The following UNC79 variants were observed in gnomAD, a reference collection of about 807,000 sequenced individuals.
The protein encoded by UNC79 is unc-79 subunit of NALCN channel complex, also known as protein unc-79 homolog.
UNC79 carries 37 observed loss-of-function variants against 283.1 expected under a neutral mutation model. The observed-to-expected ratio is 0.13, with a 90% CI of 0.10 to 0.17. The LOEUF is 0.17. Among genes scored for constraint, UNC79 ranks in the 10% least tolerant of loss-of-function variants. UNC79 has a pLI of 1.00. For missense variants in UNC79, 2,272 were observed against 3,211.1 expected, an observed-to-expected ratio of 0.71 and a Z score of 7.07; for synonymous variants, 1,107 against 1,200.2, an observed-to-expected ratio of 0.92 and a Z score of 1.61.
rs528931114 is a variant in UNC79, at chr14:93,476,411, T to C, written c.449-1147T>C. On this transcript the variant is annotated intron_variant, in intron 3 of 48. Transcript: ENST00000555664. ...GCTCAGCAAAAGGAGCTGAGGTGTC[T>C]TGTATGCACAGCTTCGGTTAATTCT... 2.3e-4 allele frequency among the ~76,000 whole-genome samples: 35 copies of C among 152,330 alleles called. No individual in the cohort carries two copies. In the South Asian group the frequency reaches 6.8e-3, roughly 30 times the overall value.
chr14:93,399,069 G>T (rs2055052878), intron 1 of UNC79, among the ~76,000 whole-genome samples: 1 of 152,162 alleles, frequency 6.6e-6, no homozygotes, highest in Admixed American at 6.5e-5. Context: ...TCTTCACAAG[G>T]TGGCAGGAGG....
At chr14:93,421,037 C>G (rs1418415072) in intron 1 of UNC79, among the ~76,000 whole-genome samples, 1 of 151,442 alleles carries the variant, frequency 6.6e-6, no homozygotes, top group Non-Finnish European at 1.5e-5. Context: ...AATAATACAT[C>G]ATAAAGAACC....
chr14:93,671,776 AC>A (rs1305185884), intron 40 of UNC79, among the ~76,000 whole-genome samples: 3 of 152,182 alleles, frequency 2.0e-5, no homozygotes, highest in Non-Finnish European at 4.4e-5. Flanking sequence ...CTGTCTAAAA[AC>A]AAACAAGCAA....
intron 1 of UNC79, among the ~76,000 whole-genome samples, chr14:93,382,869 C>G (rs1329766051): frequency 1.3e-5 from 2 of 152,144 alleles, no homozygotes; most frequent in Non-Finnish European, 2.9e-5. Flanking sequence ...AAATACTTTA[C>G]ACTCCATGAG....
At chr14:93,361,675 G>A (rs981701006) in intron 1 of UNC79, among the ~76,000 whole-genome samples, 2 of 152,018 alleles carry the variant, frequency 1.3e-5, no homozygotes, top group African/African-American at 4.8e-5. Flanking sequence ...CTTTTTGGAT[G>A]CCTTTTATTT....
At chr14:93,635,023 T>C (rs1027777769) in intron 31 of UNC79, among the ~76,000 whole-genome samples, 1 of 152,220 alleles carries the variant, frequency 6.6e-6, no homozygotes, top group Non-Finnish European at 1.5e-5. Flanking sequence ...ATAGTAATAC[T>C]AATAGTGATA....
rs1285172507 is a variant in UNC79 at position 93,347,209 on chromosome 14, G to T, written c.-351+13686G>T. ...CTGCCTCACGAGCACTGGAGCTTGC[G>T]TTACTTGGCCTCACCTCACCTGTGC... On this transcript the variant is annotated intron_variant, in intron 1 of 49. Transcript: ENST00000256339. 1.1e-5 allele frequency: 17 copies of T among 1,513,512 alleles called. No homozygotes were observed. The East Asian group carries it at 3.4e-4, about 30-fold the overall frequency. 93.8% of individuals were successfully genotyped at this position (1,513,512 alleles called of 1,614,324 possible).
At chr14:93,361,738 G>A (rs1376867664) in intron 1 of UNC79, among the ~76,000 whole-genome samples, 1 of 152,112 alleles carries the variant, frequency 6.6e-6, no homozygotes, top group East Asian at 1.9e-4. Context: ...TGTTGAATAG[G>A]AGTGGTGGGA....
At chr14:93,703,968 C>T (rs2075703179) in intron 47 of UNC79, among the ~76,000 whole-genome samples, 1 of 152,198 alleles carries the variant, frequency 6.6e-6, no homozygotes, top group Non-Finnish European at 1.5e-5. Context: ...GAAGGAGCAG[C>T]TTCTGGAGGT....
At chr14:93,350,062 TTATAA>T (rs1243299612) in intron 1 of UNC79, among the ~76,000 whole-genome samples, 6 of 152,144 alleles carry the variant, frequency 3.9e-5, no homozygotes, top group African/African-American at 1.4e-4. Context: ...TAAGAAAGGG[TTATAA>T]TATGGGAAAA....
chr14:93,656,913 T>C (rs182396630), intron 38 of UNC79, among the ~76,000 whole-genome samples: 36 of 152,306 alleles, frequency 2.4e-4, no homozygotes, highest in African/African-American at 8.7e-4. Context: ...TACCTATTAG[T>C]AGCTCCACTT....
At chr14:93,515,891 T>C (rs1484189295) in intron 7 of UNC79, among the ~76,000 whole-genome samples, 2 of 151,924 alleles carry the variant, frequency 1.3e-5, no homozygotes, top group Non-Finnish European at 2.9e-5. Context: ...ATTTATCTTT[T>C]TTTTTTCTTT....
At chr14:93,443,661 G>A (rs1450783038) in intron 1 of UNC79, among the ~76,000 whole-genome samples, 1 of 152,114 alleles carries the variant, frequency 6.6e-6, no homozygotes, top group Non-Finnish European at 1.5e-5. Flanking sequence ...CTGACCTCGT[G>A]ATCCACCTGC....
chr14:93,484,115 C>G (rs1031014232), intron 4 of UNC79, among the ~76,000 whole-genome samples: 4 of 152,208 alleles, frequency 2.6e-5, no homozygotes, highest in African/African-American at 9.6e-5. Flanking sequence ...CTGTCTTCCA[C>G]AATGGTTGAA....
Position 93,487,590 on chromosome 14 carries a change from C to A in UNC79, c.620-73C>A, listed in dbSNP as rs1286958897. On this transcript the variant is annotated intron_variant, in intron 4 of 48. Transcript: ENST00000555664. ...TTTTTTTTAAAGTTCCTTCTTATCTCTCATGCTCTGTGCAAAGTAACAGGT... is the reference window on the plus strand; with the variant it reads ...TTTTTTTTAAAGTTCCTTCTTATCTATCATGCTCTGTGCAAAGTAACAGGT... The A allele has an allele frequency of 4.7e-6, 6 of 1,275,866 alleles. No individual in the cohort carries two copies. In the Admixed American group the frequency reaches 8.1e-5, roughly 17 times the overall value. 79.0% of individuals were successfully genotyped at this position (1,275,866 alleles called of 1,614,324 possible).
At chr14:93,555,553 G>A (rs531668106) in intron 14 of UNC79, among the ~76,000 whole-genome samples, 11 of 152,164 alleles carry the variant, frequency 7.2e-5, no homozygotes, top group African/African-American at 1.2e-4. Context: ...ACAGGTGCAC[G>A]CCACCATGCC....
chr14:93,665,520 A>G (rs2072092330), intron 40 of UNC79, among the ~76,000 whole-genome samples: 1 of 152,012 alleles, frequency 6.6e-6, no homozygotes, highest in Non-Finnish European at 1.5e-5. Context: ...TTTCTGATTC[A>G]GGAAGCACAA....
At chr14:93,660,518 AGCATATAT>A (rs2071424626) in intron 39 of UNC79, among the ~76,000 whole-genome samples, 1 of 72,636 alleles carries the variant, frequency 1.4e-5, no homozygotes, top group South Asian at 6.0e-4. Context: ...TCAAGACAAT[AGCATATAT>A]ATATATATAT....
At chr14:93,532,616 A>G in intron 11 of UNC79, 38 bp downstream of exon 11, 1 of 1,606,364 alleles carries the variant, frequency 6.2e-7, no homozygotes, top group Non-Finnish European at 8.5e-7. Flanking sequence ...GGCATGATTT[A>G]TTGTGTTTGT....
Sources: allele counts gnomAD v4.1 joint callset (sites outside exome capture counted in the v4.1 genomes callset), GRCh38; gene constraint gnomAD v4.1.1; transcripts MANE v1.5; gene names NCBI Gene and HGNC (gene_info 2026-07-23, HGNC 2026-07-21).